Variants in ERCC6 observed in about 807,000 individuals in gnomAD.
The protein encoded by ERCC6 is ERCC excision repair 6, chromatin remodeling factor.
A neutral mutation model predicts 158.7 loss-of-function variants in ERCC6; 116 were observed. The observed-to-expected ratio is 0.73, with a 90% CI of 0.63 to 0.85. The LOEUF (loss-of-function observed/expected upper bound fraction) is 0.85. Ranked by LOEUF, ERCC6 falls within the 40% of genes least tolerant of loss-of-function variation. The probability of loss-of-function intolerance (pLI) is 0.00; values close to 1 mark genes in which losing one functional copy is unlikely to be tolerated. For missense variants in ERCC6, 1,698 were observed against 1,799.4 expected (o/e 0.94, Z 1.02); for synonymous variants, 678 against 659.3 (o/e 1.03, Z -0.43).
At chr10:49,467,740 T>A (rs1408354228) in intron 18 of ERCC6, among the ~76,000 whole-genome samples, 1 of 151,912 alleles carries the variant, frequency 6.6e-6, no homozygotes, top group Non-Finnish European at 1.5e-5. Context: ...TATTTTTTTT[T>A]TTATTTTTTG....
intron 5 of ERCC6, among the ~76,000 whole-genome samples, chr10:49,518,918 A>G (rs1837067689): frequency 6.6e-6 from 1 of 152,228 alleles, no homozygotes; most frequent in Admixed American, 6.5e-5. Context: ...TAAAAAAGGT[A>G]AAAAATAGGG....
rs1439058491 is a variant in ERCC6 at position 49,516,114 on chromosome 10, T to C, written c.1397+7919A>G. The C allele has an allele frequency of 6.2e-7, 1 of 1,614,054 alleles. No homozygotes were observed. The highest frequency in any genetic ancestry group is 8.5e-7 in the Non-Finnish European group (1 of 1,180,034). On this transcript the variant is annotated intron_variant, in intron 5 of 20. Transcript: ENST00000355832. ...TGCCTCTGTAAGTGCCTCACTAAAC[T>C]GAAGGACAAGTGACGCACCGACACC...
chr10:49,452,464 C>A (rs1221551735), downstream of ERCC6, among the ~76,000 whole-genome samples: 1 of 152,026 alleles, frequency 6.6e-6, no homozygotes, highest in Non-Finnish European at 1.5e-5. Context: ...TGCATTATTT[C>A]TATCCTTTTA....
chr10:49,502,159 C>T (rs1851367198), intron 6 of ERCC6: 2 of 152,124 alleles, frequency 1.3e-5, no homozygotes, highest in Admixed American at 6.6e-5. Flanking sequence ...ATTTAATCTC[C>T]TCTCAGTAAA....
At chr10:49,525,944 C>T (rs1837308700) in intron 4 of ERCC6, among the ~76,000 whole-genome samples, 1 of 151,682 alleles carries the variant, frequency 6.6e-6, no homozygotes, top group South Asian at 2.1e-4. Context: ...CAACATTATG[C>T]TTTTGAGCTG....
At chr10:49,487,220 T>A (rs2132557081) in intron 8 of ERCC6, among the ~76,000 whole-genome samples, 1 of 152,340 alleles carries the variant, frequency 6.6e-6, no homozygotes, top group Non-Finnish European at 1.5e-5. Context: ...TATGTTGTAA[T>A]TCATGTAACA....
At chr10:49,527,013 A>G (rs1837356266) in intron 4 of ERCC6, among the ~76,000 whole-genome samples, 1 of 152,222 alleles carries the variant, frequency 6.6e-6, no homozygotes, top group Non-Finnish European at 1.5e-5. Flanking sequence ...AGAAATAACT[A>G]TGCAGAAGTA....
intron 14 of ERCC6, among the ~76,000 whole-genome samples, chr10:49,473,250 A>AT (rs1295431636): frequency 3.3e-5 from 5 of 152,388 alleles, no homozygotes; most frequent in African/African-American, 1.2e-4. Flanking sequence ...AGGAAAATAC[A>AT]TGCTGTAGAA....
At chr10:49,481,994 C>A (rs1476896916) in intron 10 of ERCC6, among the ~76,000 whole-genome samples, 3 of 152,212 alleles carry the variant, frequency 2.0e-5, no homozygotes, top group Non-Finnish European at 4.4e-5. Flanking sequence ...TGCTCAGACA[C>A]TTTCAGTAAC....
chr10:49,448,203 TGA>T, the ERCC6 span, among the ~76,000 whole-genome samples: 1 of 152,224 alleles, frequency 6.6e-6, no homozygotes, highest in African/African-American at 2.4e-5. Context: ...CATTTGTTAT[TGA>T]GTTTTAAAAA....
the ERCC6 span, among the ~76,000 whole-genome samples, chr10:49,437,681 G>A: frequency 6.6e-6 from 1 of 152,036 alleles, no homozygotes; most frequent in Admixed American, 6.6e-5. Flanking sequence ...CAAGAATTCT[G>A]GCTTATCTGG....
intron 2 of ERCC6, among the ~76,000 whole-genome samples, chr10:49,531,684 G>A (rs1443803183): frequency 6.6e-6 from 1 of 152,154 alleles, no homozygotes; most frequent in African/African-American, 2.4e-5. Flanking sequence ...CTCCTGAGGA[G>A]GCCAAAAGAA....
chr10:49,500,422 A>G, intron 7 of ERCC6, 116 bp downstream of exon 7: 1 of 1,256,358 alleles, frequency 8.0e-7, no homozygotes, highest in Non-Finnish European at 1.1e-6. Flanking sequence ...AAAGAATTAA[A>G]GGAATATTGT....
At chr10:49,484,278 CAAAAAAAA>C (rs60365716) in intron 8 of ERCC6, among the ~76,000 whole-genome samples, 1 of 96,078 alleles carries the variant, frequency 1.0e-5, no homozygotes, top group Non-Finnish European at 2.0e-5. Context: ...GACTCTGCCT[CAAAAAAAA>C]AAAAAGAAAA....
chr10:49,481,788 A>C (rs1164966975), intron 10 of ERCC6, among the ~76,000 whole-genome samples: 1 of 152,084 alleles, frequency 6.6e-6, no homozygotes, highest in Non-Finnish European at 1.5e-5. Context: ...TCAGCCTCCA[A>C]ACCTTGTTTG....
intron 18 of ERCC6, among the ~76,000 whole-genome samples, chr10:49,464,429 C>A (rs1850636931): frequency 6.6e-6 from 1 of 152,184 alleles, no homozygotes; most frequent in Non-Finnish European, 1.5e-5. Flanking sequence ...TGCAGCCTTA[C>A]AATGTGATAG....
intron 9 of ERCC6, 141 bp from the exon 10 acceptor site, chr10:49,483,004 A>G (rs1851007712): frequency 2.3e-6 from 2 of 872,042 alleles, no homozygotes; most frequent in Admixed American, 2.3e-5. Context: ...AAACATACAC[A>G]TTTTATGCAA....
chr10:49,497,413 C>A (rs923770198), intron 7 of ERCC6, among the ~76,000 whole-genome samples: 4 of 152,222 alleles, frequency 2.6e-5, no homozygotes, highest in Non-Finnish European at 5.9e-5. Flanking sequence ...TCAGGTTATA[C>A]AGTATTTTTT....
intron 8 of ERCC6, chr10:49,488,281 C>T: frequency 5.7e-6 from 1 of 176,310 alleles, no homozygotes; most frequent in South Asian, 1.5e-4. Flanking sequence ...AGCCATAAAT[C>T]ACACTGTCAG....
Sources: gnomAD v4.1 joint callset for allele counts (sites outside exome capture counted in the v4.1 genomes callset) on GRCh38, gnomAD v4.1.1 for gene constraint, MANE v1.5 for transcripts, NCBI Gene and HGNC (gene_info 2026-07-23, HGNC 2026-07-21) for gene names.